ABHD17C: variants seen among roughly 807,000 people sequenced by gnomAD.
ABHD17C encodes abhydrolase domain containing 17C, depalmitoylase.
Under a neutral mutation model 27.9 loss-of-function variants are expected in ABHD17C, and 11 were observed. The ratio of observed to expected loss-of-function variants is 0.39; its 90% CI spans 0.25 to 0.65. The LOEUF is 0.65. ABHD17C is among the 30% of genes least tolerant of loss of function. ABHD17C has a pLI of 0.45. For synonymous variants in ABHD17C, 233 were observed against 209.1 expected (o/e 1.11, Z -0.98); for missense variants, 280 against 470.2 (o/e 0.60, Z 3.74).
At chr15:80,732,667 C>T (rs544755661) in intron 1 of ABHD17C, among the ~76,000 whole-genome samples, 2 of 152,246 alleles carry the variant, frequency 1.3e-5, no homozygotes, top group Admixed American at 1.3e-4. Context: ...GGATTAGGCC[C>T]AGGAGAACAG....
intron 1 of ABHD17C, among the ~76,000 whole-genome samples, chr15:80,745,391 ATT>A (rs35175632): frequency 7.2e-4 from 105 of 146,192 alleles, no homozygotes; most frequent in Non-Finnish European, 2.9e-4. Flanking sequence ...CCCTAACAGC[ATT>A]TTTTTTTTTT....
chr15:80,730,442 A>G (rs1263440666), intron 1 of ABHD17C, among the ~76,000 whole-genome samples: 1 of 152,224 alleles, frequency 6.6e-6, no homozygotes, highest in Non-Finnish European at 1.5e-5. Flanking sequence ...ATGTTGTCAT[A>G]GTCTGAATTT....
chr15:80,696,103 C>T (rs1361754233), intron 1 of ABHD17C, 84 bp downstream of exon 1: 2 of 1,369,418 alleles, frequency 1.5e-6, no homozygotes, highest in East Asian at 2.5e-5. Context: ...GGGCGGCCTG[C>T]CAGGAGAGGG....
rs1469458451 is a variant in ABHD17C at position 80,747,743 on chromosome 15, T to G, written c.591-1770T>G. On this transcript the variant is annotated intron_variant, in intron 1 of 2. Transcript: ENST00000258884. ...ACAGTTTTATTGGATGGTGTCAAGT[T>G]GCAGGGCCACACAGACACTTCACTT... 2.0e-5 allele frequency among the ~76,000 whole-genome samples: 3 copies of G among 152,214 alleles called. No homozygotes were observed. The East Asian group carries it at 5.8e-4, about 29-fold the overall frequency.
In ABHD17C at chr15:80,744,626, C is replaced by T. The variant is rs571144903; in HGVS notation, c.591-4887C>T. Among the ~76,000 whole-genome samples, 38 of 152,262 alleles carry T rather than the reference C, an allele frequency of 2.5e-4. No individual in the cohort carries two copies. The East Asian group carries it at 4.2e-3, about 17-fold the overall frequency. On this transcript the variant is annotated intron_variant, in intron 1 of 2. Transcript: ENST00000258884. The stretch of plus-strand genomic sequence containing the variant: ...AGCCCTTTGAAAAACGCTGGCAGTT[C>T]GCAGCATGCCTACTGACTCTACACA...
intron 1 of ABHD17C, among the ~76,000 whole-genome samples, chr15:80,718,341 T>G (rs550841672): frequency 6.6e-6 from 1 of 152,232 alleles, no homozygotes; most frequent in African/African-American, 2.4e-5. Flanking sequence ...TTTTATTTAT[T>G]TATTTTTTTG....
chr15:80,752,462 C>T (rs1895377504), intron 2 of ABHD17C, among the ~76,000 whole-genome samples: 1 of 152,194 alleles, frequency 6.6e-6, no homozygotes, highest in African/African-American at 2.4e-5. Context: ...ATTATCTCCA[C>T]GACCTCATTC....
chr15:80,745,317 T>C (rs1895267478), intron 1 of ABHD17C, among the ~76,000 whole-genome samples: 1 of 152,198 alleles, frequency 6.6e-6, no homozygotes, highest in Admixed American at 6.5e-5. Context: ...TGTTTAATTT[T>C]GGTAGGTTTA....
intron 1 of ABHD17C, among the ~76,000 whole-genome samples, chr15:80,709,691 C>A (rs1295963982): frequency 1.3e-5 from 2 of 152,062 alleles, no homozygotes; most frequent in African/African-American, 4.8e-5. Flanking sequence ...CTCACACTTC[C>A]CGGCCTCTCC....
chr15:80,710,645 G>A (rs769502224), intron 1 of ABHD17C, among the ~76,000 whole-genome samples: 6 of 152,172 alleles, frequency 3.9e-5, no homozygotes, highest in Non-Finnish European at 5.9e-5. Context: ...AGTGGTGAAG[G>A]GGAGTGTCAA....
rs997105224 is a variant in ABHD17C at position 80,698,442 on chromosome 15, G to A, written c.590+2423G>A. Among the ~76,000 whole-genome samples, 6 of 152,204 alleles carry A rather than the reference G, an allele frequency of 3.9e-5. 1 individual carries two copies. The highest frequency in any genetic ancestry group is 7.3e-5 in the Non-Finnish European group (5 of 68,030). On this transcript the variant is annotated intron_variant, in intron 1 of 2. Transcript: ENST00000258884. Reference sequence around the variant, plus strand: ...ATTTCCCAACTCATGTATGGACACTGCACACGTTCACCCAGCTCATCTGAC... The same window carrying A: ...ATTTCCCAACTCATGTATGGACACTACACACGTTCACCCAGCTCATCTGAC...
chr15:80,731,761 T>C (rs1406959828), intron 1 of ABHD17C, among the ~76,000 whole-genome samples: 1 of 152,206 alleles, frequency 6.6e-6, no homozygotes, highest in African/African-American at 2.4e-5. Flanking sequence ...TAAAATCTCA[T>C]TTAGAATTCA....
chr15:80,732,997 C>T (rs1567036396), intron 1 of ABHD17C, among the ~76,000 whole-genome samples: 2 of 152,144 alleles, frequency 1.3e-5, no homozygotes, highest in Non-Finnish European at 2.9e-5. Context: ...TAAGGCTGGC[C>T]TGCCCCAGCC....
At chr15:80,716,062 T>A (rs2141499249) in intron 1 of ABHD17C, among the ~76,000 whole-genome samples, 1 of 152,292 alleles carries the variant, frequency 6.6e-6, no homozygotes, top group South Asian at 2.1e-4. Flanking sequence ...CAAGGACCAG[T>A]TTTTCCTACT....
chr15:80,720,696 G>A (rs35199222), intron 1 of ABHD17C, among the ~76,000 whole-genome samples: 48,465 of 152,002 alleles, frequency 0.32, 9,415 homozygotes, highest in Non-Finnish European at 0.45. Flanking sequence ...CTAGGCAGGC[G>A]GATCACCTGA....
intron 1 of ABHD17C, among the ~76,000 whole-genome samples, chr15:80,696,920 C>T (rs565583229): frequency 6.6e-6 from 1 of 152,288 alleles, no homozygotes; most frequent in South Asian, 2.1e-4. Context: ...ACCTTTCCGA[C>T]CTGCCTCATA....
At chr15:80,720,080 G>A (rs755501831) in intron 1 of ABHD17C, among the ~76,000 whole-genome samples, 2 of 152,182 alleles carry the variant, frequency 1.3e-5, no homozygotes, top group East Asian at 1.9e-4. Context: ...GATTACAGGC[G>A]TGAGCTACCG....
intron 2 of ABHD17C, among the ~76,000 whole-genome samples, chr15:80,750,205 A>C (rs1324490832): frequency 6.6e-6 from 1 of 152,168 alleles, no homozygotes; most frequent in Non-Finnish European, 1.5e-5. Flanking sequence ...TAAATAGAAG[A>C]ATAAAGGCAA....
chr15:80,696,034 G>T lies in ABHD17C; in HGVS notation c.590+15G>T, dbSNP rs1204138660. On this transcript the variant is annotated intron_variant, in intron 1 of 2. Transcript: ENST00000258884. ...CTGCGCACCCGGTGAGCCTGCCGGG[G>T]TCGCCAGGCCTGACTTCCAGCTGTG... 2 of 1,545,438 alleles carry T rather than the reference G, an allele frequency of 1.3e-6. No homozygotes were observed. Among genetic ancestry groups the T allele is most frequent in the Non-Finnish European group, 1.7e-6 (2 of 1,149,990 alleles).
Sources: gnomAD v4.1 joint callset for allele counts (sites outside exome capture counted in the v4.1 genomes callset) on GRCh38, gnomAD v4.1.1 for gene constraint, MANE v1.5 for transcripts, NCBI Gene and HGNC (gene_info 2026-07-23, HGNC 2026-07-21) for gene names.